The following GRID2 variants were observed in gnomAD, a reference collection of about 807,000 sequenced individuals.
GRID2 encodes glutamate ionotropic receptor delta type subunit 2.
In GRID2, 33 loss-of-function variants were observed where a neutral mutation model predicts 114.8. The ratio of observed to expected loss-of-function variants is 0.29; its 90% CI spans 0.22 to 0.38. GRID2 has a LOEUF of 0.38. GRID2 is among the 10% of genes least tolerant of loss of function. The probability of loss-of-function intolerance (pLI) is 1.00; values close to 1 mark genes in which losing one functional copy is unlikely to be tolerated. For missense variants in GRID2, 1,184 were observed against 1,257.7 expected (o/e 0.94, Z 0.89); for synonymous variants, 505 against 449.9 (o/e 1.12, Z -1.55).
intron 2 of GRID2, among the ~76,000 whole-genome samples, chr4:92,917,835 T>C (rs1230273517): frequency 6.6e-6 from 1 of 152,178 alleles, no homozygotes; most frequent in African/African-American, 2.4e-5. Context: ...CAATTCAGGC[T>C]CTTTTTTGGT....
chr4:93,436,981 A>G (rs1313971760), intron 10 of GRID2, among the ~76,000 whole-genome samples: 4 of 152,162 alleles, frequency 2.6e-5, no homozygotes, highest in Non-Finnish European at 2.9e-5. Flanking sequence ...AATGTGTTAT[A>G]TATGCTTGGA....
intron 1 of GRID2, among the ~76,000 whole-genome samples, chr4:92,368,167 C>A (rs1293777349): frequency 6.6e-6 from 1 of 151,876 alleles, no homozygotes; most frequent in Non-Finnish European, 1.5e-5. Context: ...GGGACACATG[C>A]CTTTTGGTTG....
chr4:93,217,007 G>A (rs901019889), intron 6 of GRID2, 96 bp downstream of exon 6: 2 of 778,724 alleles, frequency 2.6e-6, no homozygotes. Flanking sequence ...AATTATACGT[G>A]TTATTTCTGA....
chr4:93,626,397 A>G lies in GRID2; in HGVS notation c.2322A>G (p.Leu774=), dbSNP rs1436585289. The change falls in exon 14 of 16, where the codon TTA becomes TTG. Residue 774 remains leucine (L), a synonymous_variant. Transcript: ENST00000282020. ...TVADRGYGIA[L]QHGSPYRDVF... is the part of the protein sequence containing the mutation. ...CTGATCGGGGATATGGAATTGCATT[A>G]CAACATGGCAGTCCTTACCGAGATG... is the stretch of plus-strand genomic sequence containing the variant. 1.2e-6 allele frequency: 2 copies of G among 1,611,850 alleles called. No individual in the cohort carries two copies. The highest frequency in any genetic ancestry group is 4.5e-5 in the East Asian group (2 of 44,776).
intron 2 of GRID2, among the ~76,000 whole-genome samples, chr4:92,855,345 G>T (rs774973944): frequency 6.6e-6 from 1 of 151,900 alleles, no homozygotes; most frequent in South Asian, 2.1e-4. Flanking sequence ...CCTTAAAGGC[G>T]AATAGTCCTG....
At chr4:93,168,857 G>T (rs1202673132) in intron 4 of GRID2, among the ~76,000 whole-genome samples, 3 of 151,996 alleles carry the variant, frequency 2.0e-5, no homozygotes, top group Non-Finnish European at 4.4e-5. Flanking sequence ...TGAAAATGTG[G>T]TCCATTTGTG....
intron 2 of GRID2, among the ~76,000 whole-genome samples, chr4:92,794,905 T>TATATATATATATATATATACAC (rs745392261): frequency 1.4e-4 from 18 of 127,782 alleles, no homozygotes; most frequent in African/African-American, 4.9e-4. Flanking sequence ...TATATATATA[T>TATATATATATATATATATACAC]ACACACACAC....
At chr4:93,008,032 C>T (rs1249102730) in intron 2 of GRID2, among the ~76,000 whole-genome samples, 2 of 62,492 alleles carry the variant, frequency 3.2e-5, no homozygotes, top group Non-Finnish European at 6.8e-5. Flanking sequence ...GAGACTGTCA[C>T]AAAAAAAAAA....
At chr4:93,736,964 G>C (rs1490204479) in intron 14 of GRID2, among the ~76,000 whole-genome samples, 1 of 151,736 alleles carries the variant, frequency 6.6e-6, no homozygotes, top group Non-Finnish European at 1.5e-5. Flanking sequence ...CCATCATTGA[G>C]GTAACACGTT....
At chr4:92,682,527 T>A (rs1733698781) in intron 2 of GRID2, among the ~76,000 whole-genome samples, 1 of 152,168 alleles carries the variant, frequency 6.6e-6, no homozygotes, top group African/African-American at 2.4e-5. Flanking sequence ...TGATTACACA[T>A]GAGTATACCA....
intron 4 of GRID2, among the ~76,000 whole-genome samples, chr4:93,122,890 G>GTTTTTTTTGTTTT (rs1733915033): frequency 2.9e-5 from 2 of 69,804 alleles, no homozygotes; most frequent in East Asian, 4.6e-4. Flanking sequence ...ACAGATGTGG[G>GTTTTTTTTGTTTT]TTTTTTTTTT....
intron 13 of GRID2, among the ~76,000 whole-genome samples, chr4:93,564,291 AT>A (rs1735200831): frequency 6.6e-6 from 1 of 150,694 alleles, no homozygotes; most frequent in Admixed American, 6.6e-5. Context: ...TGCCTAATGG[AT>A]GTCCTTTTAT....
At chr4:93,318,616 T>C (rs969817158) in intron 8 of GRID2, 1 of 151,940 alleles carries the variant, frequency 6.6e-6, no homozygotes, top group Non-Finnish European at 1.5e-5. Flanking sequence ...AATGATCACA[T>C]AGTATCTTTT....
chr4:92,989,885 AC>A (rs959009552), intron 2 of GRID2, among the ~76,000 whole-genome samples: 4 of 152,168 alleles, frequency 2.6e-5, no homozygotes, highest in African/African-American at 9.7e-5. Flanking sequence ...GAAAAAACAT[AC>A]AGAAATATTG....
At chr4:93,472,790 T>C (rs969668934) in intron 11 of GRID2, among the ~76,000 whole-genome samples, 1 of 152,184 alleles carries the variant, frequency 6.6e-6, no homozygotes, top group Non-Finnish European at 1.5e-5. Flanking sequence ...CAATAAAATT[T>C]ATGTTTTAAA....
chr4:93,312,539 C>A (rs539860310), intron 8 of GRID2, among the ~76,000 whole-genome samples: 2 of 152,194 alleles, frequency 1.3e-5, no homozygotes, highest in Middle Eastern at 6.8e-3. Context: ...ATTGTAAATG[C>A]GGAAGTTGAG....
intron 2 of GRID2, among the ~76,000 whole-genome samples, chr4:92,980,655 A>G (rs1364096457): frequency 1.3e-5 from 2 of 152,188 alleles, no homozygotes; most frequent in Non-Finnish European, 2.9e-5. Flanking sequence ...TGTTTTTCAC[A>G]ATACAAATGT....
At chr4:93,787,531 A>G (rs1377682144) in intron 1 of GRID2, among the ~76,000 whole-genome samples, 1 of 152,122 alleles carries the variant, frequency 6.6e-6, no homozygotes, top group Non-Finnish European at 1.5e-5. Flanking sequence ...CCTTTCCCCT[A>G]ACATCCCCCA....
At chr4:93,204,361 T>C (rs2149464991) in intron 4 of GRID2, among the ~76,000 whole-genome samples, 2 of 152,296 alleles carry the variant, frequency 1.3e-5, no homozygotes, top group South Asian at 4.1e-4. Context: ...AGATACTTAG[T>C]ACTTGCCTAT....
Sources: allele counts gnomAD v4.1 joint callset (sites outside exome capture counted in the v4.1 genomes callset), GRCh38; gene constraint gnomAD v4.1.1; transcripts MANE v1.5; gene names NCBI Gene and HGNC (gene_info 2026-07-23, HGNC 2026-07-21).